DNAH1: variants seen among roughly 807,000 people sequenced by gnomAD.
The protein encoded by DNAH1 is dynein axonemal heavy chain 1.
Under a neutral mutation model 484.3 loss-of-function variants are expected in DNAH1, and 327 were observed. That is an observed-to-expected ratio of 0.68 (90% confidence interval 0.62 to 0.74). DNAH1 has a LOEUF of 0.74. DNAH1 is among the 30% of genes least tolerant of loss of function. The pLI is 0.00. For synonymous variants in DNAH1, 2,192 were observed against 2,191.9 expected, an observed-to-expected ratio of 1.00 and a Z score of 0.00; for missense variants, 5,052 against 5,546.8, an observed-to-expected ratio of 0.91 and a Z score of 2.83.
At chr3:52,376,198 C>T (rs984320447) in intron 46 of DNAH1, among the ~76,000 whole-genome samples, 1 of 152,174 alleles carries the variant, frequency 6.6e-6, no homozygotes, top group Non-Finnish European at 1.5e-5. Context: ...TAGAGCCCTT[C>T]CATGCCTGCG....
At position 52,372,368 on chromosome 3, in the gene DNAH1, G is replaced by T. The variant is rs1370189963; in HGVS notation, c.6808G>T (p.Asp2270Tyr). 1.9e-6 allele frequency: 3 copies of T among 1,613,738 alleles called. No homozygotes were observed. The highest frequency in any genetic ancestry group is 1.1e-5 in the South Asian group (1 of 91,084). The change falls in exon 43 of 78, where the codon GAC becomes TAC. Residue 2270 changes from aspartate (D) to tyrosine (Y), a missense_variant. Physicochemically the swap from Asp to Tyr is radical, Grantham distance 160. Coordinates refer to ENST00000420323, the MANE Select transcript of DNAH1 (RefSeq NM_015512.5). ...TSANQTQDFI[D>Y]SKLDKRRKGV... is the part of the protein sequence containing the mutation. ...AGCCAACCAGACCCAGGACTTCATT[G>T]ACAGCAAGCTGGACAAGAGGCAGGG...
At chr3:52,378,090 A>G (rs1409487869) in intron 46 of DNAH1, among the ~76,000 whole-genome samples, 1 of 152,078 alleles carries the variant, frequency 6.6e-6, no homozygotes, top group African/African-American at 2.4e-5. Flanking sequence ...ATAGTTTTCA[A>G]AGAACAGGCC....
In DNAH1 at chr3:52,379,831, CCT is replaced by C; in HGVS notation, c.7378-73_7378-72del. 7.3e-7 allele frequency: 1 copy of C among 1,370,322 alleles called. No individual in the cohort carries two copies. 84.9% of individuals were successfully genotyped at this position (1,370,322 alleles called of 1,614,324 possible). Reference sequence around the variant, plus strand: ...GCCCCAGGAACTGGGGCCCACCCTCCCTTGCCTGGTGGTTTGAGAGATAGCTG... The same window carrying C: ...GCCCCAGGAACTGGGGCCCACCCTCCTGCCTGGTGGTTTGAGAGATAGCTG... On this transcript the variant is annotated intron_variant, in intron 47 of 77. Coordinates refer to ENST00000420323, the MANE Select transcript of DNAH1 (RefSeq NM_015512.5). The surrounding 1 kb of genome is among the most constrained non-coding windows in gnomAD (Gnocchi z 4.4).
At position 52,379,866 on chromosome 3, in the gene DNAH1, G is replaced by C. The variant is rs1263073418; in HGVS notation, c.7378-39G>C. 1.3e-6 allele frequency: 2 copies of C among 1,522,602 alleles called. No individual in the cohort carries two copies. The highest frequency in any genetic ancestry group is 2.5e-5 in the East Asian group (1 of 40,594). The allele number at this position is 1,522,602 out of a possible 1,614,324, so 94.3% of individuals were successfully genotyped here. A position where few individuals can be genotyped will look rare whatever the true frequency, so the allele number is the denominator to read the frequency against. On this transcript the variant is annotated intron_variant, in intron 47 of 77. Coordinates refer to ENST00000420323, the MANE Select transcript of DNAH1 (RefSeq NM_015512.5). This position sits in a 1 kb window ranked among gnomAD's most constrained non-coding sequence, Gnocchi z 4.4. ...TGGTTTGAGAGATAGCTGAGGGCTT[G>C]GGGGCCAAGGACAGGCACCGATGCT...
intron 34 of DNAH1, among the ~76,000 whole-genome samples, chr3:52,365,940 G>A (rs1472985010): frequency 3.3e-5 from 5 of 152,218 alleles, no homozygotes; most frequent in Admixed American, 2.6e-4. Context: ...CTATTTGGCA[G>A]GAACCCCCGG....
At chr3:52,359,554 G>T (rs1165077549) in intron 26 of DNAH1, among the ~76,000 whole-genome samples, 168 bp downstream of exon 26, 1 of 152,196 alleles carries the variant, frequency 6.6e-6, no homozygotes, top group Non-Finnish European at 1.5e-5. Flanking sequence ...GCCACCCACA[G>T]GAAGGACGGG....
chr3:52,316,790 T>C (rs1011828155), intron 1 of DNAH1, among the ~76,000 whole-genome samples: 5 of 152,196 alleles, frequency 3.3e-5, no homozygotes, highest in Non-Finnish European at 5.9e-5. Context: ...ACGACTAAAA[T>C]GCCAAGTAAA....
rs751578894 is a variant in DNAH1, at chr3:52,383,884, T to C, written c.8175T>C (p.Ala2725=). The C allele has an allele frequency of 6.2e-7, 1 of 1,604,020 alleles. No individual in the cohort carries two copies. The highest frequency in any genetic ancestry group is 1.7e-5 in the Admixed American group (1 of 58,896). ...CMSPIGEVFR[A]RLRQFPSLVN... is the part of the protein sequence containing the mutation. ...GCCCCATCGGAGAGGTCTTCCGAGC[T>C]CGTCTGAGGCAGTTTCCCTCCCTGG... The change falls in exon 52 of 78, where the codon GCT becomes GCC. Residue 2725 remains alanine, a synonymous_variant. Coordinates refer to ENST00000420323, the MANE Select transcript of DNAH1 (RefSeq NM_015512.5).
chr3:52,335,940 T>C lies in DNAH1; in HGVS notation c.1286+3546T>C, dbSNP rs192624843. ...TGAGCCACCGCACCCGGCCCCTTTTTCCCATTTTTTAAATAGAATTATTCA... is the reference window on the plus strand; with the variant it reads ...TGAGCCACCGCACCCGGCCCCTTTTCCCCATTTTTTAAATAGAATTATTCA... On this transcript the variant is annotated intron_variant, in intron 8 of 77. Transcript: ENST00000420323. 3.9e-3 allele frequency among the ~76,000 whole-genome samples: 595 copies of C among 152,320 alleles called. 5 individuals are homozygous for C. Among genetic ancestry groups the C allele is most frequent in the South Asian group, 0.023 (112 of 4,824 alleles).
Position 52,366,750 on chromosome 3 carries a change from AG to A in DNAH1, c.5629del (p.Ala1877LeufsTer3). The part of the protein sequence containing the change: ...GKSTCYRVLA[A>X]AMTSLKGQPS... ...TCTCCCAGTGTTACAGAGTCCTGGC[AG>A]CTGCCATGACGTCACTGAAAGGGCA... On this transcript the variant is annotated frameshift_variant, in exon 36 of 78. Coordinates refer to ENST00000420323, the MANE Select transcript of DNAH1 (RefSeq NM_015512.5). LOFTEE classifies it high-confidence loss of function. The A allele has an allele frequency of 6.2e-7, 1 of 1,612,314 alleles. No homozygotes were observed. The highest frequency in any genetic ancestry group is 8.5e-7 in the Non-Finnish European group (1 of 1,179,128).
chr3:52,379,907 C>T lies in DNAH1; in HGVS notation c.7380C>T (p.Asp2460=), dbSNP rs1428527168. ...CACCGATGCTGGGGCTACTGCAGGA[C>T]CAAGTGCAGCTGCTGCGACTGTGGT... ...MLMADPAKVE[D]QVQLLRLWYH... is the part of the protein sequence containing the mutation. Residue 2460 remains aspartate, a splice_region_variant and synonymous_variant, in exon 48 of 78, where the codon GAC becomes GAT. Transcript: ENST00000420323. The surrounding 1 kb of genome is among the most constrained non-coding windows in gnomAD (Gnocchi z 4.4). 1 of 1,558,582 alleles carries T rather than the reference C, an allele frequency of 6.4e-7. No homozygotes were observed. Among genetic ancestry groups the T allele is most frequent in the Non-Finnish European group, 8.7e-7 (1 of 1,151,530 alleles).
intron 62 of DNAH1, 36 bp downstream of exon 62, chr3:52,391,364 G>A: frequency 6.3e-7 from 1 of 1,594,622 alleles, no homozygotes. Context: ...GTGGCAGTAG[G>A]CCTGGACAGG....
chr3:52,370,638 G>A lies in DNAH1; in HGVS notation c.6417+3G>A, dbSNP rs922347793. 5.6e-6 allele frequency: 9 copies of A among 1,607,904 alleles called. No homozygotes were observed. Among genetic ancestry groups the A allele is most frequent in the Non-Finnish European group, 7.6e-6 (9 of 1,177,292 alleles). ...GGCTCAAGATGGAGAACGAACAGGT[G>A]AGAGCCGGCGGCCCCCAGGGACCAG... On this transcript the variant is annotated splice_donor_region_variant and intron_variant, in intron 40 of 77. Coordinates refer to ENST00000420323, the MANE Select transcript of DNAH1 (RefSeq NM_015512.5).
rs1559485379 is a variant in DNAH1, at chr3:52,322,612, C to T, written c.170C>T (p.Pro57Leu). The change falls in exon 2 of 78, where the codon CCC becomes CTC. Residue 57 changes from proline to leucine, a missense_variant. Pro to Leu is a moderately conservative substitution (Grantham distance 98). Coordinates refer to ENST00000420323, the MANE Select transcript of DNAH1 (RefSeq NM_015512.5). ...TTGGGAAATCCTCCAGCCCTTGACC[C>T]CAAGCTCCCACATTTACCCCTGCCC... Reference protein sequence around the residue: ...YGLGNPPALDPKLPHLPLPPA... With the variant: ...YGLGNPPALDLKLPHLPLPPA... The T allele has an allele frequency of 6.2e-7, 1 of 1,613,836 alleles. No individual in the cohort carries two copies. Among genetic ancestry groups the T allele is most frequent in the South Asian group, 1.1e-5 (1 of 91,078 alleles).
intron 44 of DNAH1, among the ~76,000 whole-genome samples, chr3:52,373,262 A>G (rs563821437): frequency 9.3e-4 from 141 of 152,310 alleles, no homozygotes; most frequent in African/African-American, 3.2e-3. Context: ...GAAGCCTGGA[A>G]AAGGGGAAGC....
rs1294828089 is a variant in DNAH1 at position 52,374,991 on chromosome 3, A to T, written c.6986-249A>T. On this transcript the variant is annotated intron_variant, in intron 44 of 77. Transcript: ENST00000420323. ...GGGGCGGGGGGTGGGGCTCGATTTC[A>T]CTAACGTTGTATATGAAAATGTCTG... is the stretch of plus-strand genomic sequence containing the variant. 1.5e-5 allele frequency: 8 copies of T among 527,742 alleles called. No homozygotes were observed. The South Asian group carries it at 1.9e-4, about 12-fold the overall frequency. The allele number at this position is 527,742 out of a possible 1,614,324, so 32.7% of individuals were successfully genotyped here. A position where few individuals can be genotyped will look rare whatever the true frequency, so the allele number is the denominator to read the frequency against.
intron 66 of DNAH1, 114 bp from the exon 67 acceptor site, chr3:52,394,351 G>A (rs1291575143): frequency 6.0e-6 from 6 of 1,007,126 alleles, no homozygotes; most frequent in East Asian, 2.6e-5. Context: ...ATCCCCAAGG[G>A]AGACTCAGTT....
At position 52,388,388 on chromosome 3, in the gene DNAH1, C is replaced by T. The variant is rs764490571; in HGVS notation, c.9172-30C>T. The T allele has an allele frequency of 5.0e-6, 8 of 1,602,288 alleles. No individual in the cohort carries two copies. In the East Asian group the frequency reaches 6.8e-5, roughly 14 times the overall value. On this transcript the variant is annotated intron_variant, in intron 57 of 77. Transcript: ENST00000420323. ...GGGCTCCCCTCCCGGGGGTACTTGGCGAGCTAATCCTGCGCCCTCCGCCCC... is the reference window on the plus strand; with the variant it reads ...GGGCTCCCCTCCCGGGGGTACTTGGTGAGCTAATCCTGCGCCCTCCGCCCC...
upstream of DNAH1, among the ~76,000 whole-genome samples, chr3:52,312,550 A>C (rs551580228): frequency 1.3e-5 from 2 of 149,802 alleles, no homozygotes; most frequent in African/African-American, 2.5e-5. Context: ...GGCTCACTGG[A>C]ACCTCTGTCT....
Sources: gnomAD v4.1 joint callset for allele counts (sites outside exome capture counted in the v4.1 genomes callset) on GRCh38, gnomAD v4.1.1 for gene constraint, Gnocchi (gnomAD v3.1) non-coding constraint, MANE v1.5 for transcripts, NCBI Gene and HGNC (gene_info 2026-07-23, HGNC 2026-07-21) for gene names.